The following FKBP8 variants were observed in gnomAD, a reference collection of about 807,000 sequenced individuals.
The protein encoded by FKBP8 is peptidyl-prolyl cis-trans isomerase FKBP8.
In FKBP8, 5 loss-of-function variants were observed where a neutral mutation model predicts 41.7. The observed-to-expected ratio is 0.12, with a 90% CI of 0.06 to 0.25. The LOEUF (loss-of-function observed/expected upper bound fraction) is 0.25. Ranked by LOEUF, FKBP8 falls within the 10% of genes least tolerant of loss-of-function variation. FKBP8 has a pLI of 1.00. For missense variants in FKBP8, 397 were observed against 563.0 expected (o/e 0.71, Z 2.98); for synonymous variants, 279 against 254.5 (o/e 1.10, Z -0.92).
At chr19:18,532,558 C>T (rs1976472493) in intron 8 of FKBP8, 106 bp downstream of exon 8, 4 of 1,493,784 alleles carry the variant, frequency 2.7e-6, no homozygotes, top group South Asian at 2.6e-5. Context: ...TCCCCTGCAT[C>T]GCCCAGGACG....
At chr19:18,532,561 C>T in intron 8 of FKBP8, 103 bp downstream of exon 8, 1 of 1,515,840 alleles carries the variant, frequency 6.6e-7, no homozygotes, top group Non-Finnish European at 8.9e-7. Flanking sequence ...CCTGCATCGC[C>T]CAGGACGGCC....
chr19:18,537,468 C>T lies in FKBP8; in HGVS notation c.945+133G>A. On this transcript the variant is annotated intron_variant, in intron 6 of 8. Coordinates refer to ENST00000608443, the MANE Select transcript of FKBP8 (RefSeq NM_012181.5). The surrounding 1 kb of genome is among the most constrained non-coding windows in gnomAD (Gnocchi z 4.4). ...GGCCACACTCCTGCACCCGTCTGGG[C>T]CTCAGTTTCTCCACCTGCACCCCAC... The T allele has an allele frequency of 1.3e-6, 1 of 782,670 alleles. No individual in the cohort carries two copies. Among genetic ancestry groups the T allele is most frequent in the East Asian group, 3.0e-5 (1 of 33,096 alleles). 48.5% of individuals were successfully genotyped at this position (782,670 alleles called of 1,614,324 possible).
rs1976462001 is a variant in FKBP8 at position 18,532,110 on chromosome 19, G to A, written c.*59C>T. ...GGCAGTGGACAGGGAGCCTGGGGGA[G>A]TTGGGGAGCGCAGGGCAGGGTCCAT... On this transcript the variant is annotated 3_prime_UTR_variant, in exon 9 of 9. Transcript: ENST00000608443. 9 of 1,430,924 alleles carry A rather than the reference G, an allele frequency of 6.3e-6. No individual in the cohort carries two copies. The highest frequency in any genetic ancestry group is 8.7e-6 in the Non-Finnish European group (9 of 1,037,556). The allele number at this position is 1,430,924 out of a possible 1,614,324, so 88.6% of individuals were successfully genotyped here.
intron 6 of FKBP8, among the ~76,000 whole-genome samples, chr19:18,536,651 T>C (rs974379104): frequency 1.1e-4 from 17 of 152,204 alleles, no homozygotes; most frequent in African/African-American, 4.1e-4. Flanking sequence ...AATGAGCCAT[T>C]GTGCCTGGCC....
intron 7 of FKBP8, 106 bp downstream of exon 7, chr19:18,533,164 G>A: frequency 2.7e-6 from 3 of 1,110,454 alleles, no homozygotes; most frequent in Non-Finnish European, 3.8e-6. Flanking sequence ...CCGTGCCACT[G>A]CCCAGGTGGG....
intron 1 of FKBP8, chr19:18,542,982 TCCCACCC>T: frequency 1.8e-5 from 13 of 705,420 alleles, no homozygotes; most frequent in Non-Finnish European, 2.3e-5. Context: ...CGGCCTCCCC[TCCCACCC>T]CCCACCCCAA....
chr19:18,536,474 C>G (rs915612119), intron 6 of FKBP8, among the ~76,000 whole-genome samples: 6 of 152,154 alleles, frequency 3.9e-5, no homozygotes, highest in African/African-American at 1.4e-4. Context: ...TCCTCAGCCT[C>G]CTGAGCAACT....
intron 4 of FKBP8, 29 bp downstream of exon 4, chr19:18,539,332 CCTGAGACCTG>C (rs1976648778): frequency 1.3e-6 from 2 of 1,568,422 alleles, no homozygotes; most frequent in Non-Finnish European, 1.7e-6. Flanking sequence ...CCATCCCCCT[CCTGAGACCTG>C]CAGAGACCTA....
chr19:18,541,838 C>T lies in FKBP8; in HGVS notation c.133G>A (p.Glu45Lys). The T allele has an allele frequency of 6.2e-7, 1 of 1,613,098 alleles. No homozygotes were observed. The change falls in exon 2 of 9, where the codon GAA (glutamate) becomes AAA (lysine). Residue 45 changes from glutamate (E) to lysine (K), a missense_variant. By Grantham distance (56) the Glu-to-Lys change is moderately conservative (BLOSUM62 1). Coordinates refer to ENST00000608443, the MANE Select transcript of FKBP8 (RefSeq NM_012181.5). ...GEEEEEEEEE[E>K]EDDLSELPPL... is the part of the protein sequence containing the mutation. ...GGCAGCTCACTCAGGTCATCCTCTT[C>T]CTCCTCTTCCTCCTCCTCTTCCTCC...
chr19:18,533,243 G>A (rs757979742), intron 7 of FKBP8, 27 bp downstream of exon 7: 1 of 1,541,782 alleles, frequency 6.5e-7, no homozygotes, highest in Admixed American at 2.0e-5. Context: ...AGCCGAGCAA[G>A]TCCCAGGGCA....
rs927597339 is a variant in FKBP8 at position 18,537,517 on chromosome 19, T to A, written c.945+84A>T. ...ACAGAGCTCAGCTGGCTTATATACC[T>A]ATGCCTTTCTCAAATGCAGGGTTGG... On this transcript the variant is annotated intron_variant, in intron 6 of 8. Transcript: ENST00000608443. This position sits in a 1 kb window ranked among gnomAD's most constrained non-coding sequence, Gnocchi z 4.4. 12 of 1,332,434 alleles carry A rather than the reference T, an allele frequency of 9.0e-6. No homozygotes were observed. The highest frequency in any genetic ancestry group is 1.2e-5 in the Non-Finnish European group (12 of 996,032). The allele number at this position is 1,332,434 out of a possible 1,614,324, so 82.5% of individuals were successfully genotyped here. A position where few individuals can be genotyped will look rare whatever the true frequency, so the allele number is the denominator to read the frequency against.
chr19:18,542,824 C>T (rs1430508323), intron 1 of FKBP8: 2 of 1,091,996 alleles, frequency 1.8e-6, no homozygotes, highest in African/African-American at 3.2e-5. Flanking sequence ...CCCCAGGCCC[C>T]AAGCTCAGAA....
chr19:18,542,213 C>T (rs1413875356), intron 1 of FKBP8: 1 of 551,608 alleles, frequency 1.8e-6, no homozygotes, highest in Non-Finnish European at 3.1e-6. Context: ...ATAGTGTTAG[C>T]CATTATTAGA....
chr19:18,539,065 T>C (rs1313170115), intron 4 of FKBP8, among the ~76,000 whole-genome samples: 2 of 152,074 alleles, frequency 1.3e-5, no homozygotes, highest in African/African-American at 2.4e-5. Flanking sequence ...CCACCCGCCT[T>C]GGCCTCCCAA....
chr19:18,531,926 A>G lies in FKBP8; in HGVS notation c.*243T>C. ...GCCAGCCCTGGCGGAGACCTAGCCCAGCGGGGTAAGGAGGGTGGGGGAAAA... is the reference window on the plus strand; with the variant it reads ...GCCAGCCCTGGCGGAGACCTAGCCCGGCGGGGTAAGGAGGGTGGGGGAAAA... On this transcript the variant is annotated 3_prime_UTR_variant, in exon 9 of 9. Coordinates refer to ENST00000608443, the MANE Select transcript of FKBP8 (RefSeq NM_012181.5). The G allele has an allele frequency of 1.9e-6, 1 of 531,436 alleles. No individual in the cohort carries two copies. Among genetic ancestry groups the G allele is most frequent in the South Asian group, 2.2e-5 (1 of 45,364 alleles). 32.9% of individuals were successfully genotyped at this position (531,436 alleles called of 1,614,324 possible).
Position 18,538,209 on chromosome 19 carries a change from C to G in FKBP8, c.772+7G>C. 6.3e-7 allele frequency: 1 copy of G among 1,596,630 alleles called. No individual in the cohort carries two copies. The highest frequency in any genetic ancestry group is 8.6e-7 in the Non-Finnish European group (1 of 1,167,844). On this transcript the variant is annotated splice_region_variant and intron_variant, in intron 5 of 8. Coordinates refer to ENST00000608443, the MANE Select transcript of FKBP8 (RefSeq NM_012181.5). This position sits in a 1 kb window ranked among gnomAD's most constrained non-coding sequence, Gnocchi z 4.0. Reference sequence around the variant, plus strand: ...GGAGATGGTGGAGATCTGACCCAGGCGGTCACCTTTGGCGCTGGAGGTGAT... The same window carrying G: ...GGAGATGGTGGAGATCTGACCCAGGGGGTCACCTTTGGCGCTGGAGGTGAT...
chr19:18,537,888 G>T lies in FKBP8; in HGVS notation c.773-115C>A. ...CTCAGTTTCCCCAATTTTAACCCCGGACCAAGGGCCACGCTTTCCTGGGGC... is the reference window on the plus strand; with the variant it reads ...CTCAGTTTCCCCAATTTTAACCCCGTACCAAGGGCCACGCTTTCCTGGGGC... On this transcript the variant is annotated intron_variant, in intron 5 of 8. Transcript: ENST00000608443. This position sits in a 1 kb window ranked among gnomAD's most constrained non-coding sequence, Gnocchi z 4.4. The T allele has an allele frequency of 8.6e-7, 1 of 1,156,182 alleles. No individual in the cohort carries two copies. Among genetic ancestry groups the T allele is most frequent in the Non-Finnish European group, 1.2e-6 (1 of 821,878 alleles). The allele number at this position is 1,156,182 out of a possible 1,614,324, so 71.6% of individuals were successfully genotyped here. A position where few individuals can be genotyped will look rare whatever the true frequency, so the allele number is the denominator to read the frequency against.
At chr19:18,534,456 T>A (rs527406079) in intron 6 of FKBP8, among the ~76,000 whole-genome samples, 1 of 152,250 alleles carries the variant, frequency 6.6e-6, no homozygotes, top group African/African-American at 2.4e-5. Flanking sequence ...TAGCTTGGCA[T>A]TGGTCCCCGC....
At position 18,537,539 on chromosome 19, in the gene FKBP8, T is replaced by C. The variant is rs1976606532; in HGVS notation, c.945+62A>G. ...ACCTATGCCTTTCTCAAATGCAGGG[T>C]TGGGGACCACCCCGTATACCCCAGG... On this transcript the variant is annotated intron_variant, in intron 6 of 8. Coordinates refer to ENST00000608443, the MANE Select transcript of FKBP8 (RefSeq NM_012181.5). The surrounding 1 kb of genome is among the most constrained non-coding windows in gnomAD (Gnocchi z 4.4). The C allele has an allele frequency of 6.8e-7, 1 of 1,464,152 alleles. No individual in the cohort carries two copies. Among genetic ancestry groups the C allele is most frequent in the African/African-American group, 1.4e-5 (1 of 71,006 alleles). The allele number at this position is 1,464,152 out of a possible 1,614,324, so 90.7% of individuals were successfully genotyped here.
Sources: gnomAD v4.1 joint callset for allele counts (sites outside exome capture counted in the v4.1 genomes callset) on GRCh38, gnomAD v4.1.1 for gene constraint, Gnocchi (gnomAD v3.1) non-coding constraint, MANE v1.5 for transcripts, NCBI Gene and HGNC (gene_info 2026-07-23, HGNC 2026-07-21) for gene names.